The following ATP9B variants were observed in gnomAD, a reference collection of about 807,000 sequenced individuals.
The protein encoded by ATP9B is probable phospholipid-transporting ATPase IIB.
A neutral mutation model predicts 146.1 loss-of-function variants in ATP9B; 110 were observed. That is an observed-to-expected ratio of 0.75 (90% CI 0.65 to 0.88). The LOEUF (loss-of-function observed/expected upper bound fraction) is 0.88, where lower values mean the gene tolerates loss of function less well. Ranked by LOEUF, ATP9B falls within the 40% of genes least tolerant of loss-of-function variation. The pLI, the probability that ATP9B is intolerant of heterozygous loss-of-function variation, is 0.00. For missense variants in ATP9B, 1,499 were observed against 1,496.4 expected, an observed-to-expected ratio of 1.00 and a Z score of -0.03; for synonymous variants, 604 against 569.7, an observed-to-expected ratio of 1.06 and a Z score of -0.86.
Position 79,328,999 on chromosome 18 carries a change from G to A in ATP9B, c.1774-142G>A, listed in dbSNP as rs547781272. 1.9e-5 allele frequency: 15 copies of A among 804,614 alleles called. No individual in the cohort carries two copies. In the South Asian group the frequency reaches 1.9e-4, roughly 10 times the overall value. The allele number at this position is 804,614 out of a possible 1,614,324, so 49.8% of individuals were successfully genotyped here. On this transcript the variant is annotated intron_variant, in intron 15 of 29. Coordinates refer to ENST00000426216, the MANE Select transcript of ATP9B (RefSeq NM_198531.5). ...GTTATTCAAACGTATATACTTAGCC[G>A]TGAAAACAAAAAGTTCTGAACACCT...
chr18:79,283,070 C>T (rs1599579021), intron 13 of ATP9B, among the ~76,000 whole-genome samples: 1 of 152,176 alleles, frequency 6.6e-6, no homozygotes, highest in South Asian at 2.1e-4. Context: ...TACTGCTAAT[C>T]GGTTGTTTTA....
intron 11 of ATP9B, among the ~76,000 whole-genome samples, chr18:79,231,177 A>G (rs997398512): frequency 1.2e-4 from 18 of 152,246 alleles, no homozygotes; most frequent in African/African-American, 4.3e-4. Flanking sequence ...GCTTCTGCAC[A>G]GCAAAAGAAA....
At chr18:79,311,293 G>A (rs181597155) in intron 15 of ATP9B, among the ~76,000 whole-genome samples, 122 of 152,280 alleles carry the variant, frequency 8.0e-4, no homozygotes, top group African/African-American at 2.8e-3. Flanking sequence ...GGCGAATGCT[G>A]AAGTTTGATA....
chr18:79,090,017 T>C (rs1483058678), intron 1 of ATP9B, among the ~76,000 whole-genome samples: 1 of 152,226 alleles, frequency 6.6e-6, no homozygotes, highest in Non-Finnish European at 1.5e-5. Flanking sequence ...AGTGAGAACA[T>C]GTGATATTTA....
At chr18:79,222,236 G>A (rs2095687088) in intron 11 of ATP9B, among the ~76,000 whole-genome samples, 1 of 152,068 alleles carries the variant, frequency 6.6e-6, no homozygotes, top group African/African-American at 2.4e-5. Flanking sequence ...GCAGGCGCCT[G>A]TAAACCCAGT....
At chr18:79,123,987 G>A (rs2094236271) in intron 4 of ATP9B, among the ~76,000 whole-genome samples, 1 of 152,200 alleles carries the variant, frequency 6.6e-6, no homozygotes, top group African/African-American at 2.4e-5. Flanking sequence ...TAGGATGGCT[G>A]CAATACAAAG....
chr18:79,351,251 T>C (rs1359249747), intron 25 of ATP9B, among the ~76,000 whole-genome samples: 1 of 152,244 alleles, frequency 6.6e-6, no homozygotes, highest in Non-Finnish European at 1.5e-5. Flanking sequence ...GAGATTATTC[T>C]TTAAAGAACT....
intron 11 of ATP9B, among the ~76,000 whole-genome samples, chr18:79,229,349 T>G (rs2095766984): frequency 6.6e-6 from 1 of 152,216 alleles, no homozygotes; most frequent in South Asian, 2.1e-4. Flanking sequence ...GGTTGAATAT[T>G]CAGTCATTCA....
At chr18:79,369,901 C>G (rs2097059315) in intron 26 of ATP9B, among the ~76,000 whole-genome samples, 1 of 152,178 alleles carries the variant, frequency 6.6e-6, no homozygotes, top group African/African-American at 2.4e-5. Flanking sequence ...GAGTTCAAGA[C>G]CATCCTGGCC....
At chr18:79,369,578 T>C (rs1171235026) in intron 26 of ATP9B, among the ~76,000 whole-genome samples, 1 of 139,096 alleles carries the variant, frequency 7.2e-6, no homozygotes, top group African/African-American at 2.7e-5. Flanking sequence ...ACTGAGGAGG[T>C]AGGCTGGGAG....
chr18:79,267,155 T>C (rs886426874), intron 12 of ATP9B, among the ~76,000 whole-genome samples: 4 of 152,116 alleles, frequency 2.6e-5, no homozygotes, highest in East Asian at 1.9e-4. Context: ...TGCAAAGTTA[T>C]AGTTTTCAAT....
chr18:79,206,149 C>T (rs538566693), intron 9 of ATP9B, among the ~76,000 whole-genome samples: 2 of 152,174 alleles, frequency 1.3e-5, no homozygotes, highest in African/African-American at 4.8e-5. Context: ...ACTGTGTTAG[C>T]CAGGATGGTC....
intron 11 of ATP9B, among the ~76,000 whole-genome samples, chr18:79,228,876 A>AT (rs1483685320): frequency 1.3e-5 from 2 of 152,098 alleles, no homozygotes; most frequent in Non-Finnish European, 2.9e-5. Flanking sequence ...AATAAAAAAA[A>AT]TTAGGTGGGT....
intron 5 of ATP9B, among the ~76,000 whole-genome samples, chr18:79,133,508 A>AAC (rs370697424): frequency 0.1 from 15,452 of 147,798 alleles, 794 homozygotes; most frequent in Non-Finnish European, 0.13. Context: ...AGTGGTTATA[A>AAC]ACACACACAC....
At chr18:79,322,435 C>A (rs576626977) in intron 15 of ATP9B, among the ~76,000 whole-genome samples, 2 of 152,330 alleles carry the variant, frequency 1.3e-5, no homozygotes, top group East Asian at 3.9e-4. Flanking sequence ...CTCCTGGCCG[C>A]ACCCTCGGGG....
chr18:79,134,493 G>C (rs2094423899), intron 5 of ATP9B, among the ~76,000 whole-genome samples: 1 of 152,266 alleles, frequency 6.6e-6, no homozygotes, highest in South Asian at 2.1e-4. Context: ...CATGTGGTGA[G>C]CACTCAGTGA....
intron 8 of ATP9B, among the ~76,000 whole-genome samples, chr18:79,181,101 C>T (rs1044397789): frequency 3.9e-5 from 6 of 151,960 alleles, no homozygotes; most frequent in African/African-American, 7.3e-5. Context: ...TGAGCCATCA[C>T]GCTGGGCCTA....
chr18:79,197,688 A>G (rs1158066271), intron 9 of ATP9B, among the ~76,000 whole-genome samples: 5 of 151,418 alleles, frequency 3.3e-5, no homozygotes, highest in African/African-American at 1.2e-4. Flanking sequence ...AGTGGGATCA[A>G]CTGGTTTCTT....
intron 7 of ATP9B, 151 bp downstream of exon 7, chr18:79,154,706 T>C (rs1218934485): frequency 4.2e-6 from 2 of 471,008 alleles, no homozygotes; most frequent in African/African-American, 4.0e-5. Context: ...TTACTTTGAA[T>C]GTAAACACAT....
Sources: allele counts gnomAD v4.1 joint callset (sites outside exome capture counted in the v4.1 genomes callset), GRCh38; gene constraint gnomAD v4.1.1; transcripts MANE v1.5; gene names NCBI Gene and HGNC (gene_info 2026-07-23, HGNC 2026-07-21).